The following TNFRSF13C variants were observed in gnomAD, a reference collection of about 807,000 sequenced individuals.
TNFRSF13C encodes TNF receptor superfamily member 13C.
A neutral mutation model predicts 12.1 loss-of-function variants in TNFRSF13C; 7 were observed. That is an observed-to-expected ratio of 0.58 (90% CI 0.33 to 1.08). TNFRSF13C has a LOEUF of 1.08. Among genes scored for constraint, TNFRSF13C ranks in the 50% least tolerant of loss-of-function variants. The probability of loss-of-function intolerance (pLI) is 0.04; values close to 1 mark genes in which losing one functional copy is unlikely to be tolerated. For synonymous variants in TNFRSF13C, 157 were observed against 130.8 expected, an observed-to-expected ratio of 1.20 and a Z score of -1.37; for missense variants, 260 against 265.9, an observed-to-expected ratio of 0.98 and a Z score of 0.15.
rs1167478636 is a variant in TNFRSF13C, at chr22:41,926,322, C to T, written c.146G>A (p.Ser49Asn). ...CAGCGCCGTCCTGGGCGCAGGGCTGCTGGCCCCGGCTGCTTCGGGAGGGGA... is the reference window on the plus strand; with the variant it reads ...CAGCGCCGTCCTGGGCGCAGGGCTGTTGGCCCCGGCTGCTTCGGGAGGGGA... Reference protein sequence around the residue: ...RTPRPKPAGASSPAPRTALQP... With the variant: ...RTPRPKPAGANSPAPRTALQP... Residue 49 changes from serine to asparagine, a missense_variant, in exon 2 of 3, where the codon AGC (serine) becomes AAC (asparagine). Transcript: ENST00000291232. The surrounding 1 kb of genome is among the most constrained non-coding windows in gnomAD (Gnocchi z 4.9). 5.7e-6 allele frequency: 8 copies of T among 1,404,480 alleles called. No individual in the cohort carries two copies. The highest frequency in any genetic ancestry group is 7.4e-6 in the Non-Finnish European group (8 of 1,086,084). The allele number at this position is 1,404,480 out of a possible 1,614,324, so 87.0% of individuals were successfully genotyped here. A position where few individuals can be genotyped will look rare whatever the true frequency, so the allele number is the denominator to read the frequency against.
In TNFRSF13C at chr22:41,922,207, C is replaced by T. The variant is rs532389166; in HGVS notation, c.*3160G>A. On this transcript the variant is annotated 3_prime_UTR_variant, in exon 3 of 3. Transcript: ENST00000291232. ...ACACGGGTCATTTCTTCCCTGACTA[C>T]ATCATGGATTCCGGTCCAGAACTTC... 3.3e-5 allele frequency: 5 copies of T among 152,340 alleles called. No homozygotes were observed. Among genetic ancestry groups the T allele is most frequent in the African/African-American group, 1.2e-4 (5 of 41,574 alleles). 9.4% of individuals were successfully genotyped at this position (152,340 alleles called of 1,614,324 possible). A position where few individuals can be genotyped will look rare whatever the true frequency, so the allele number is the denominator to read the frequency against.
In TNFRSF13C at chr22:41,922,140, T is replaced by A. The variant is rs1002786410; in HGVS notation, c.*3227A>T. 7 of 152,222 alleles carry A rather than the reference T, an allele frequency of 4.6e-5. No individual in the cohort carries two copies. The highest frequency in any genetic ancestry group is 1.7e-4 in the African/African-American group (7 of 41,458). The allele number at this position is 152,222 out of a possible 1,614,324, so 9.4% of individuals were successfully genotyped here. ...TGTATGTATAGAATGATTACAATTA[T>A]GTAGAAAAATACACCACACACTCGA... On this transcript the variant is annotated 3_prime_UTR_variant, in exon 3 of 3. Transcript: ENST00000291232.
rs2077619377 is a variant in TNFRSF13C, at chr22:41,924,464, G to A, written c.*903C>T. 1 of 143,504 alleles carries A rather than the reference G, an allele frequency of 7.0e-6. No individual in the cohort carries two copies. The highest frequency in any genetic ancestry group is 2.2e-4 in the South Asian group (1 of 4,566). The allele number at this position is 143,504 out of a possible 1,614,324, so 8.9% of individuals were successfully genotyped here. ...AATTGCGTCACTGCACTCCAGCCTA[G>A]GCGACAGAGCGAGACTCTGTCTCAA... is the stretch of plus-strand genomic sequence containing the variant. On this transcript the variant is annotated 3_prime_UTR_variant, in exon 3 of 3. Coordinates refer to ENST00000291232, the MANE Select transcript of TNFRSF13C (RefSeq NM_052945.4).
rs2077633540 is a variant in TNFRSF13C at position 41,926,589 on chromosome 22, C to G, written c.136+49G>C. 7.2e-7 allele frequency: 1 copy of G among 1,385,442 alleles called. No homozygotes were observed. Among genetic ancestry groups the G allele is most frequent in the Non-Finnish European group, 9.3e-7 (1 of 1,074,752 alleles). 85.8% of individuals were successfully genotyped at this position (1,385,442 alleles called of 1,614,324 possible). ...GCCTGCGCCCTGGCGATCGGGGCCC[C>G]GTTCTCCCCGCAGCTGCCGGCGCCG... is the stretch of plus-strand genomic sequence containing the variant. On this transcript the variant is annotated intron_variant, in intron 1 of 2. Transcript: ENST00000291232. The surrounding 1 kb of genome is among the most constrained non-coding windows in gnomAD (Gnocchi z 4.9).
rs766117990 is a variant in TNFRSF13C at position 41,926,165 on chromosome 22, C to A, written c.303G>T (p.Trp101Cys). ...LALVLVGLVS[W>C]RRRQRRLRGA... Reference sequence around the variant, plus strand: ...CGCGAAGCCGCCGCTGTCGCCGCCTCCAGCTCACCAGACCCACCAGGACCA... The same window carrying A: ...CGCGAAGCCGCCGCTGTCGCCGCCTACAGCTCACCAGACCCACCAGGACCA... The change falls in exon 2 of 3, where the codon TGG (tryptophan) becomes TGT (cysteine). Residue 101 changes from tryptophan (W) to cysteine (C), a missense_variant. Coordinates refer to ENST00000291232, the MANE Select transcript of TNFRSF13C (RefSeq NM_052945.4). The surrounding 1 kb of genome is among the most constrained non-coding windows in gnomAD (Gnocchi z 4.9). The A allele has an allele frequency of 2.5e-6, 4 of 1,611,420 alleles. No homozygotes were observed. The highest frequency in any genetic ancestry group is 4.5e-5 in the East Asian group (2 of 44,878).
rs777233252 is a variant in TNFRSF13C, at chr22:41,925,495, G to A, written c.427C>T (p.Pro143Ser). 4 of 1,613,566 alleles carry A rather than the reference G, an allele frequency of 2.5e-6. No individual in the cohort carries two copies. Among genetic ancestry groups the A allele is most frequent in the Non-Finnish European group, 3.4e-6 (4 of 1,180,024 alleles). Residue 143 changes from proline to serine, a missense_variant, in exon 3 of 3, where the codon CCT (proline) becomes TCT (serine). Transcript: ENST00000291232. ...TCTTCCCCAGGAGGAGGCCAGGCAG[G>A]AGCTGTGGCATCAGAGATTCCCGGA... ...LSPGISDATAPAWPPPGEDPG... is the reference protein window; with the variant it reads ...LSPGISDATASAWPPPGEDPG...
chr22:41,925,873 G>C (rs1183316610), intron 2 of TNFRSF13C, among the ~76,000 whole-genome samples: 1 of 152,132 alleles, frequency 6.6e-6, no homozygotes, highest in East Asian at 1.9e-4. Context: ...CCTCACACTG[G>C]GGTCTGTCAG....
chr22:41,925,694 G>T, intron 2 of TNFRSF13C, 140 bp from the exon 3 acceptor site: 1 of 1,051,902 alleles, frequency 9.5e-7, no homozygotes. Flanking sequence ...CTGACCCTGA[G>T]TCCAGAGGCC....
Position 41,923,682 on chromosome 22 carries a change from C to T in TNFRSF13C, c.*1685G>A, listed in dbSNP as rs2077615712. 1 of 152,254 alleles carries T rather than the reference C, an allele frequency of 6.6e-6. No individual in the cohort carries two copies. Among genetic ancestry groups the T allele is most frequent in the South Asian group, 2.1e-4 (1 of 4,828 alleles). 9.4% of individuals were successfully genotyped at this position (152,254 alleles called of 1,614,324 possible). A position where few individuals can be genotyped will look rare whatever the true frequency, so the allele number is the denominator to read the frequency against. On this transcript the variant is annotated 3_prime_UTR_variant, in exon 3 of 3. Coordinates refer to ENST00000291232, the MANE Select transcript of TNFRSF13C (RefSeq NM_052945.4). Reference sequence around the variant, plus strand: ...AAAGGAGCCTCCTGTAGGTCCCAGCCCTTCCATGTTTATGGCTAAATGTGC... The same window carrying T: ...AAAGGAGCCTCCTGTAGGTCCCAGCTCTTCCATGTTTATGGCTAAATGTGC...
rs2077612864 is a variant in TNFRSF13C, at chr22:41,922,920, A to G, written c.*2447T>C. The G allele has an allele frequency of 6.6e-6, 1 of 152,474 alleles. No homozygotes were observed. Among genetic ancestry groups the G allele is most frequent in the Non-Finnish European group, 1.5e-5 (1 of 68,218 alleles). 9.4% of individuals were successfully genotyped at this position (152,474 alleles called of 1,614,324 possible). A position where few individuals can be genotyped will look rare whatever the true frequency, so the allele number is the denominator to read the frequency against. ...GGAAGGGGAGTGGATGGCTGGGCCC[A>G]TGTGGGCCTGACCCCACCAAACCTC... is the stretch of plus-strand genomic sequence containing the variant. On this transcript the variant is annotated 3_prime_UTR_variant, in exon 3 of 3. Coordinates refer to ENST00000291232, the MANE Select transcript of TNFRSF13C (RefSeq NM_052945.4).
At position 41,926,315 on chromosome 22, in the gene TNFRSF13C, A is replaced by T; in HGVS notation, c.153T>A (p.Pro51=). 7.2e-7 allele frequency: 1 copy of T among 1,380,708 alleles called. No individual in the cohort carries two copies. Among genetic ancestry groups the T allele is most frequent in the Non-Finnish European group, 9.4e-7 (1 of 1,068,576 alleles). The allele number at this position is 1,380,708 out of a possible 1,614,324, so 85.5% of individuals were successfully genotyped here. A position where few individuals can be genotyped will look rare whatever the true frequency, so the allele number is the denominator to read the frequency against. The change falls in exon 2 of 3, where the codon CCT becomes CCA. Residue 51 remains proline, a synonymous_variant. Coordinates refer to ENST00000291232, the MANE Select transcript of TNFRSF13C (RefSeq NM_052945.4). The surrounding 1 kb of genome is among the most constrained non-coding windows in gnomAD (Gnocchi z 4.9). ...PRPKPAGASS[P]APRTALQPQE... ...GCGGCTGCAGCGCCGTCCTGGGCGC[A>T]GGGCTGCTGGCCCCGGCTGCTTCGG...
rs5996087 is a variant in TNFRSF13C, at chr22:41,925,587, A to G, written c.368-33T>C. On this transcript the variant is annotated intron_variant, in intron 2 of 2. Coordinates refer to ENST00000291232, the MANE Select transcript of TNFRSF13C (RefSeq NM_052945.4). The stretch of plus-strand genomic sequence containing the variant: ...CAGAGGGGGTAGAGGCTCCGTACTC[A>G]GTCACAGCCTTCCCTCCCTCCCCTA... 145,673 of 1,607,778 alleles carry G rather than the reference A, an allele frequency of 0.091. 9,093 individuals carry two copies. Among genetic ancestry groups the G allele is most frequent in the African/African-American group, 0.33 (24,538 of 74,868 alleles).
rs910231347 is a variant in TNFRSF13C at position 41,923,734 on chromosome 22, G to A, written c.*1633C>T. ...GTGTCTTGGAGCAGCTGGAACCCCA[G>A]GTGGACCCTGAGAGAGCTACCTGCC... On this transcript the variant is annotated 3_prime_UTR_variant, in exon 3 of 3. Transcript: ENST00000291232. 6.6e-6 allele frequency: 1 copy of A among 152,256 alleles called. No homozygotes were observed. Among genetic ancestry groups the A allele is most frequent in the Non-Finnish European group, 1.5e-5 (1 of 68,068 alleles). The allele number at this position is 152,256 out of a possible 1,614,324, so 9.4% of individuals were successfully genotyped here.
chr22:41,925,584 C>T, intron 2 of TNFRSF13C, 30 bp from the exon 3 acceptor site: 2 of 1,608,962 alleles, frequency 1.2e-6, no homozygotes, highest in Middle Eastern at 3.3e-4. Flanking sequence ...AGGCTCCGTA[C>T]TCAGTCACAG....
In TNFRSF13C at chr22:41,926,600, C is replaced by T. The variant is rs2077633710; in HGVS notation, c.136+38G>A. The stretch of plus-strand genomic sequence containing the variant: ...GGCGATCGGGGCCCCGTTCTCCCCG[C>T]AGCTGCCGGCGCCGCGCGCCCCGTG... On this transcript the variant is annotated intron_variant, in intron 1 of 2. Transcript: ENST00000291232. This position sits in a 1 kb window ranked among gnomAD's most constrained non-coding sequence, Gnocchi z 4.9. The T allele has an allele frequency of 2.8e-6, 4 of 1,408,686 alleles. No individual in the cohort carries two copies. Among genetic ancestry groups the T allele is most frequent in the East Asian group, 3.1e-5 (1 of 32,184 alleles). 87.3% of individuals were successfully genotyped at this position (1,408,686 alleles called of 1,614,324 possible). A position where few individuals can be genotyped will look rare whatever the true frequency, so the allele number is the denominator to read the frequency against.
chr22:41,926,250 G>C lies in TNFRSF13C; in HGVS notation c.218C>G (p.Pro73Arg). The C allele has an allele frequency of 6.6e-7, 1 of 1,518,404 alleles. No homozygotes were observed. Among genetic ancestry groups the C allele is most frequent in the East Asian group, 2.6e-5 (1 of 38,234 alleles). The allele number at this position is 1,518,404 out of a possible 1,614,324, so 94.1% of individuals were successfully genotyped here. A position where few individuals can be genotyped will look rare whatever the true frequency, so the allele number is the denominator to read the frequency against. ...GGCGCCAAAGAGCAGCCCGGGCAGG[G>C]GCAGCGCCGCCTCGCCGGCCCCCGC... ...VGAGAGEAAL[P>R]LPGLLFGAPA... Residue 73 changes from proline to arginine, a missense_variant, in exon 2 of 3, where the codon CCC becomes CGC. Transcript: ENST00000291232. The surrounding 1 kb of genome is among the most constrained non-coding windows in gnomAD (Gnocchi z 4.9).
rs1361924189 is a variant in TNFRSF13C at position 41,925,070 on chromosome 22, C to G, written c.*297G>C. 3.5e-6 allele frequency: 1 copy of G among 285,156 alleles called. No homozygotes were observed. Among genetic ancestry groups the G allele is most frequent in the Non-Finnish European group, 6.5e-6 (1 of 154,428 alleles). The allele number at this position is 285,156 out of a possible 1,614,324, so 17.7% of individuals were successfully genotyped here. The stretch of plus-strand genomic sequence containing the variant: ...TTCATTTTGGCTTAATGGTGCCTTC[C>G]CCATTTTAAAAGCGGTCTTTTACTC... On this transcript the variant is annotated 3_prime_UTR_variant, in exon 3 of 3. Coordinates refer to ENST00000291232, the MANE Select transcript of TNFRSF13C (RefSeq NM_052945.4).
In TNFRSF13C at chr22:41,926,112, C is replaced by T; in HGVS notation, c.356G>A (p.Gly119Glu). ...RGASSAEAPD[G>E]DKDAPEPLDK... ...CACACGGAACTCACCGTCCTTGTCTCCGTCGGGGGCCTCTGCGGAGGACGC... is the reference window on the plus strand; with the variant it reads ...CACACGGAACTCACCGTCCTTGTCTTCGTCGGGGGCCTCTGCGGAGGACGC... Residue 119 changes from glycine to glutamate, a missense_variant, in exon 2 of 3, where the codon GGA (glycine) becomes GAA (glutamate). Gly to Glu is a moderately conservative substitution (Grantham distance 98, BLOSUM62 -2). Coordinates refer to ENST00000291232, the MANE Select transcript of TNFRSF13C (RefSeq NM_052945.4). The surrounding 1 kb of genome is among the most constrained non-coding windows in gnomAD (Gnocchi z 4.9). 1 of 1,612,524 alleles carries T rather than the reference C, an allele frequency of 6.2e-7. No individual in the cohort carries two copies. Among genetic ancestry groups the T allele is most frequent in the Non-Finnish European group, 8.5e-7 (1 of 1,179,826 alleles).
In TNFRSF13C at chr22:41,926,744, G is replaced by A; in HGVS notation, c.30C>T (p.Gly10=). The A allele has an allele frequency of 1.4e-6, 2 of 1,385,754 alleles. No homozygotes were observed. Among genetic ancestry groups the A allele is most frequent in the South Asian group, 3.2e-5 (2 of 62,726 alleles). 85.8% of individuals were successfully genotyped at this position (1,385,754 alleles called of 1,614,324 possible). ...AGGGCGTGGGGGCTGGCGCGTCCCT[G>A]CCCCGCAGGCTCCGGGGCCCTCGCC... The part of the protein sequence containing the change: MRRGPRSLR[G]RDAPAPTPCV... The change falls in exon 1 of 3, where the codon GGC becomes GGT. Residue 10 remains glycine (G), a synonymous_variant. Coordinates refer to ENST00000291232, the MANE Select transcript of TNFRSF13C (RefSeq NM_052945.4). This position sits in a 1 kb window ranked among gnomAD's most constrained non-coding sequence, Gnocchi z 4.9.
Sources: gnomAD v4.1 joint callset for allele counts (sites outside exome capture counted in the v4.1 genomes callset) on GRCh38, gnomAD v4.1.1 for gene constraint, Gnocchi (gnomAD v3.1) non-coding constraint, MANE v1.5 for transcripts, NCBI Gene and HGNC (gene_info 2026-07-23, HGNC 2026-07-21) for gene names.